WDPCP: variants seen among roughly 807,000 people sequenced by gnomAD.
WDPCP encodes the protein WD repeat-containing and planar cell polarity effector protein fritz homolog.
WDPCP carries 71 observed loss-of-function variants against 93.1 expected under a neutral mutation model. The observed-to-expected ratio is 0.76, with a 90% CI of 0.63 to 0.93. The LOEUF (loss-of-function observed/expected upper bound fraction) is 0.93. WDPCP is among the 40% of genes least tolerant of loss of function. The pLI is 0.00. For synonymous variants in WDPCP, 315 were observed against 315.0 expected (o/e 1.00, Z 0.00); for missense variants, 844 against 887.4 (o/e 0.95, Z 0.62).
Position 63,313,894 on chromosome 2 carries a change from T to G in WDPCP, c.1749-583A>C, listed in dbSNP as rs1294834654. Among the ~76,000 whole-genome samples, 17 of 7,996 alleles carry G rather than the reference T, an allele frequency of 2.1e-3. No homozygotes were observed. The East Asian group carries it at 0.2, about 94-fold the overall frequency. 5.2% of individuals were successfully genotyped at this position (7,996 alleles called of 152,430 possible). ...TATATATATATATATATATTTTTTT[T>G]TTTTTGGAGATGGAGTCTCGCTCTG... On this transcript the variant is annotated intron_variant, in intron 12 of 17. Transcript: ENST00000272321.
At chr2:63,332,466 C>T (rs1223341976) in intron 12 of WDPCP, among the ~76,000 whole-genome samples, 1 of 152,046 alleles carries the variant, frequency 6.6e-6, no homozygotes, top group African/African-American at 2.4e-5. Flanking sequence ...ATATGTAAAA[C>T]TTATATTTCT....
At chr2:63,230,766 C>T (rs1404219539) in intron 14 of WDPCP, among the ~76,000 whole-genome samples, 1 of 152,112 alleles carries the variant, frequency 6.6e-6, no homozygotes, top group African/African-American at 2.4e-5. Context: ...TATCCTTTGC[C>T]TACTTTTTGA....
intron 13 of WDPCP, among the ~76,000 whole-genome samples, chr2:63,288,041 G>T (rs1244904151): frequency 6.6e-6 from 1 of 152,222 alleles, no homozygotes; most frequent in Non-Finnish European, 1.5e-5. Context: ...AGTGGCAGAT[G>T]TAAGCCATCC....
rs138811200 is a variant in WDPCP at position 63,150,758 on chromosome 2, C to A, written c.2190+2156G>T. ...TATTATTATTTTTGTTGAATATATT[C>A]AATTGGTTGAGAAAAAAGTTGATTA... On this transcript the variant is annotated intron_variant, in intron 17 of 17. Transcript: ENST00000272321. Among the ~76,000 whole-genome samples, 472 of 152,038 alleles carry A rather than the reference C, an allele frequency of 3.1e-3. 2 individuals carry two copies. Among genetic ancestry groups the A allele is most frequent in the Middle Eastern group, 0.017 (5 of 294 alleles).
At chr2:63,128,434 A>G (rs981867710) in intron 17 of WDPCP, among the ~76,000 whole-genome samples, 2 of 152,108 alleles carry the variant, frequency 1.3e-5, no homozygotes, top group African/African-American at 4.8e-5. Flanking sequence ...CTAGATCACT[A>G]GTGGTTTCAT....
At chr2:63,627,399 A>G (rs262499) in intron 3 of WDPCP, among the ~76,000 whole-genome samples, 37,842 of 152,118 alleles carry the variant, frequency 0.25, 5,670 homozygotes, top group East Asian at 0.71. Flanking sequence ...TAAAGACAGG[A>G]GGCAGAGAAA....
At position 63,156,842 on chromosome 2, in the gene WDPCP, A is replaced by G. The variant is rs539613284; in HGVS notation, c.2079-3268T>C. Among the ~76,000 whole-genome samples, 45 of 152,336 alleles carry G rather than the reference A, an allele frequency of 3.0e-4. 1 individual carries two copies. The South Asian group carries it at 8.7e-3, about 29-fold the overall frequency. Reference sequence around the variant, plus strand: ...AGTTGTAGGAACCATTTTGTCTGCAAAAAGGGATGGTTTCATTTCTTCTTT... The same window carrying G: ...AGTTGTAGGAACCATTTTGTCTGCAGAAAGGGATGGTTTCATTTCTTCTTT... On this transcript the variant is annotated intron_variant, in intron 15 of 17. Coordinates refer to ENST00000272321, the MANE Select transcript of WDPCP (RefSeq NM_015910.7).
intron 6 of WDPCP, among the ~76,000 whole-genome samples, chr2:63,462,883 T>C (rs1252346888): frequency 6.6e-6 from 1 of 152,116 alleles, no homozygotes; most frequent in Non-Finnish European, 1.5e-5. Flanking sequence ...GGTCTCTGCG[T>C]TTCATTTTAA....
intron 2 of WDPCP, among the ~76,000 whole-genome samples, chr2:63,788,488 G>C (rs1383327062): frequency 6.6e-6 from 1 of 152,096 alleles, no homozygotes; most frequent in Non-Finnish European, 1.5e-5. Context: ...GCTACAACTT[G>C]GAGCACATCT....
chr2:63,735,852 A>G (rs1669631787), intron 2 of WDPCP, among the ~76,000 whole-genome samples: 1 of 152,238 alleles, frequency 6.6e-6, no homozygotes, highest in South Asian at 2.1e-4. Flanking sequence ...GACTGGTGAC[A>G]ATATCAGGCA....
At chr2:63,380,505 C>T (rs937819196) in intron 11 of WDPCP, among the ~76,000 whole-genome samples, 2 of 152,036 alleles carry the variant, frequency 1.3e-5, no homozygotes, top group Non-Finnish European at 2.9e-5. Flanking sequence ...CTTTGGGAGG[C>T]TTAGGCAGGC....
intron 12 of WDPCP, among the ~76,000 whole-genome samples, chr2:63,361,186 G>A (rs1403607634): frequency 6.6e-6 from 1 of 152,186 alleles, no homozygotes; most frequent in East Asian, 1.9e-4. Context: ...GTAACTGTGA[G>A]TCACTGGAAA....
In WDPCP at chr2:63,433,739, A is replaced by C; in HGVS notation, c.825+6T>G. On this transcript the variant is annotated splice_donor_region_variant and intron_variant, in intron 9 of 17. Coordinates refer to ENST00000272321, the MANE Select transcript of WDPCP (RefSeq NM_015910.7). Reference sequence around the variant, plus strand: ...ATTAAAATGTACATATTTGTTTTAGATTTACCTCTAGTCTTCCTTGAGCAT... The same window carrying C: ...ATTAAAATGTACATATTTGTTTTAGCTTTACCTCTAGTCTTCCTTGAGCAT... The C allele has an allele frequency of 6.2e-7, 1 of 1,609,114 alleles. No homozygotes were observed. The highest frequency in any genetic ancestry group is 8.5e-7 in the Non-Finnish European group (1 of 1,176,742).
At chr2:63,504,887 C>A (rs1701772293) in intron 1 of WDPCP, among the ~76,000 whole-genome samples, 1 of 151,996 alleles carries the variant, frequency 6.6e-6, no homozygotes, top group Admixed American at 6.6e-5. Context: ...CCTAAAGAAT[C>A]TTCCCACTAT....
At chr2:63,124,197 C>G (rs1433466405) in intron 17 of WDPCP, among the ~76,000 whole-genome samples, 1 of 149,478 alleles carries the variant, frequency 6.7e-6, no homozygotes, top group African/African-American at 2.5e-5. Flanking sequence ...TCTGGATAAA[C>G]ACTGTAGAAT....
chr2:63,439,647 T>C, intron 7 of WDPCP, 110 bp downstream of exon 7: 1 of 901,082 alleles, frequency 1.1e-6, no homozygotes, highest in Non-Finnish European at 1.8e-6. Context: ...AAGCAATTAC[T>C]TGTTGTGTTT....
At chr2:63,600,535 G>T (rs2106617641) in intron 3 of WDPCP, among the ~76,000 whole-genome samples, 1 of 152,320 alleles carries the variant, frequency 6.6e-6, no homozygotes, top group African/African-American at 2.4e-5. Flanking sequence ...ATCTACCTCA[G>T]AGAGTTCTTA....
chr2:63,326,144 A>G (rs1468569827), intron 12 of WDPCP, among the ~76,000 whole-genome samples: 3 of 152,224 alleles, frequency 2.0e-5, no homozygotes, highest in Non-Finnish European at 4.4e-5. Flanking sequence ...ACAACCGCCT[A>G]CTTAGATAAC....
intron 6 of WDPCP, among the ~76,000 whole-genome samples, chr2:63,455,418 A>G (rs915559475): frequency 5.3e-5 from 2 of 37,782 alleles, no homozygotes; most frequent in African/African-American, 2.3e-4. Context: ...GTAAAGATAT[A>G]TATATATATA....
Sources: gnomAD v4.1 joint callset for allele counts (sites outside exome capture counted in the v4.1 genomes callset) on GRCh38, gnomAD v4.1.1 for gene constraint, MANE v1.5 for transcripts, NCBI Gene and HGNC (gene_info 2026-07-23, HGNC 2026-07-21) for gene names.